The following GNA14 variants were observed in gnomAD, a reference collection of about 807,000 sequenced individuals.
GNA14 encodes G protein subunit alpha 14.
Under a neutral mutation model 42.0 loss-of-function variants are expected in GNA14, and 50 were observed. The ratio of observed to expected loss-of-function variants is 1.19; its 90% CI spans 0.95 to 1.51. The LOEUF (loss-of-function observed/expected upper bound fraction) is 1.51, where lower values mean the gene tolerates loss of function less well. GNA14 is among the 40% of genes most tolerant of loss of function. GNA14 has a pLI of 0.00. For missense variants in GNA14, 473 were observed against 446.2 expected (o/e 1.06, Z -0.54); for synonymous variants, 173 against 163.1 (o/e 1.06, Z -0.46).
intron 2 of GNA14, among the ~76,000 whole-genome samples, chr9:77,456,808 AAAAT>A (rs961294685): frequency 4.6e-5 from 7 of 152,180 alleles, no homozygotes; most frequent in Non-Finnish European, 1.0e-4. Context: ...TATTATAGTA[AAAAT>A]AAATACAATA....
At chr9:77,503,958 G>C (rs1357586920) in intron 2 of GNA14, among the ~76,000 whole-genome samples, 2 of 152,126 alleles carry the variant, frequency 1.3e-5, no homozygotes, top group Admixed American at 6.5e-5. Flanking sequence ...TAGGATTGCA[G>C]GTGTGAGCCA....
chr9:77,425,277 G>A (rs1372537485), intron 6 of GNA14, among the ~76,000 whole-genome samples: 1 of 152,152 alleles, frequency 6.6e-6, no homozygotes, highest in African/African-American at 2.4e-5. Context: ...AGCCAGAAAG[G>A]CTCCCAGAGA....
chr9:77,626,609 GA>G (rs2117991468), intron 1 of GNA14, among the ~76,000 whole-genome samples: 1 of 152,186 alleles, frequency 6.6e-6, no homozygotes, highest in South Asian at 2.1e-4. Context: ...AAACTGCAAG[GA>G]AACTGAACAA....
chr9:77,552,480 G>C (rs545857956), intron 1 of GNA14, among the ~76,000 whole-genome samples: 1 of 152,176 alleles, frequency 6.6e-6, no homozygotes, highest in Non-Finnish European at 1.5e-5. Flanking sequence ...CCTACATTCT[G>C]TGATATGTCC....
chr9:77,449,479 G>A (rs531148979), intron 2 of GNA14, among the ~76,000 whole-genome samples: 1 of 152,270 alleles, frequency 6.6e-6, no homozygotes, highest in South Asian at 2.1e-4. Context: ...TAGTTCCCCT[G>A]AGGTTCAATA....
intron 2 of GNA14, among the ~76,000 whole-genome samples, chr9:77,446,316 G>A (rs1041366668): frequency 2.6e-5 from 4 of 152,230 alleles, no homozygotes; most frequent in Admixed American, 2.0e-4. Context: ...ACACCAGCAA[G>A]GCTTCAATTT....
rs570888032 is a variant in GNA14 at position 77,434,026 on chromosome 9, T to C, written c.464+342A>G. Among the ~76,000 whole-genome samples, 21 of 152,314 alleles carry C rather than the reference T, an allele frequency of 1.4e-4. No individual in the cohort carries two copies. In the South Asian group the frequency reaches 4.1e-3, roughly 30 times the overall value. On this transcript the variant is annotated intron_variant, in intron 3 of 6. Transcript: ENST00000341700. Reference sequence around the variant, plus strand: ...AGTAGAAGCCAAAAGCAAGGGTATTTCTTGTTTAAATCAGATAATTTCAGC... The same window carrying C: ...AGTAGAAGCCAAAAGCAAGGGTATTCCTTGTTTAAATCAGATAATTTCAGC...
intron 1 of GNA14, among the ~76,000 whole-genome samples, chr9:77,538,975 C>G (rs543683046): frequency 1.8e-4 from 27 of 152,332 alleles, no homozygotes; most frequent in African/African-American, 6.5e-4. Flanking sequence ...TTGACTTCCT[C>G]TTTTCCAATT....
intron 2 of GNA14, among the ~76,000 whole-genome samples, chr9:77,469,299 T>C (rs1836286202): frequency 6.7e-6 from 1 of 149,844 alleles, no homozygotes; most frequent in South Asian, 2.1e-4. Flanking sequence ...AAATGAAGTA[T>C]TGCATTCATA....
intron 1 of GNA14, among the ~76,000 whole-genome samples, chr9:77,630,641 TTTAA>T (rs1313829730): frequency 6.6e-6 from 1 of 152,218 alleles, no homozygotes; most frequent in African/African-American, 2.4e-5. Context: ...GAAACATCCC[TTTAA>T]TTTTTATATG....
intron 1 of GNA14, among the ~76,000 whole-genome samples, chr9:77,530,521 C>T (rs772002156): frequency 8.5e-5 from 13 of 152,130 alleles, no homozygotes; most frequent in African/African-American, 1.9e-4. Flanking sequence ...TGAAAACAGA[C>T]GAATACAATT....
intron 1 of GNA14, among the ~76,000 whole-genome samples, chr9:77,607,167 A>C (rs1418517532): frequency 6.6e-6 from 1 of 152,210 alleles, no homozygotes; most frequent in Non-Finnish European, 1.5e-5. Context: ...GCACAAAATG[A>C]TTGGAGATTT....
intron 1 of GNA14, among the ~76,000 whole-genome samples, chr9:77,594,863 C>T (rs538480714): frequency 6.6e-6 from 1 of 152,336 alleles, no homozygotes; most frequent in East Asian, 1.9e-4. Flanking sequence ...TCCATGCTCA[C>T]TCTAAACACC....
chr9:77,439,788 C>T (rs1264644284), intron 2 of GNA14, among the ~76,000 whole-genome samples: 1 of 152,118 alleles, frequency 6.6e-6, no homozygotes, highest in Non-Finnish European at 1.5e-5. Context: ...CACAAGGGAC[C>T]CTCATGCGCT....
At chr9:77,603,983 ACCTCT>A (rs1823612195) in intron 1 of GNA14, among the ~76,000 whole-genome samples, 1 of 119,902 alleles carries the variant, frequency 8.3e-6, no homozygotes, top group Non-Finnish European at 1.7e-5. Flanking sequence ...AAAAAAAAAC[ACCTCT>A]GAGAAAAGTC....
At chr9:77,500,133 G>T (rs943460218) in intron 2 of GNA14, among the ~76,000 whole-genome samples, 5 of 150,916 alleles carry the variant, frequency 3.3e-5, no homozygotes, top group African/African-American at 1.2e-4. Context: ...AGCAATTCTC[G>T]TGCCTCAGCC....
rs755932543 is a variant in GNA14, at chr9:77,647,701, G to A, written c.93C>T (p.Asp31=). Residue 31 remains aspartate (D), a synonymous_variant, in exon 1 of 7, where the codon GAC becomes GAT. Transcript: ENST00000341700. ...GCAGCAGCTTAAGCTCACGGCGCGC[G>A]TCCTTCTTGTCCCGACGAAGCTGTC... ...IERQLRRDKK[D]ARRELKLLLL... 1 of 1,610,108 alleles carries A rather than the reference G, an allele frequency of 6.2e-7. No homozygotes were observed. Among genetic ancestry groups the A allele is most frequent in the South Asian group, 1.1e-5 (1 of 90,166 alleles).
intron 1 of GNA14, among the ~76,000 whole-genome samples, chr9:77,641,128 GGAAGGAAGGAAGGAAGGA>G: frequency 1.2e-5 from 1 of 82,134 alleles, no homozygotes; most frequent in Non-Finnish European, 2.3e-5. Flanking sequence ...AAGGAAGGAA[GGAAGGAAGGAAGGAAGGA>G]AGGAAGGAAG....
chr9:77,533,888 G>A (rs1278311049), intron 1 of GNA14, among the ~76,000 whole-genome samples: 2 of 152,192 alleles, frequency 1.3e-5, no homozygotes, highest in African/African-American at 2.4e-5. Flanking sequence ...TGACAGCTGT[G>A]AGCCTTTGAC....
Sources: gnomAD v4.1 joint callset for allele counts (sites outside exome capture counted in the v4.1 genomes callset) on GRCh38, gnomAD v4.1.1 for gene constraint, MANE v1.5 for transcripts, NCBI Gene and HGNC (gene_info 2026-07-23, HGNC 2026-07-21) for gene names.